Variants in MAPKAP1 observed in about 807,000 individuals in gnomAD.
MAPKAP1 encodes MAPK associated protein 1.
Under a neutral mutation model 65.7 loss-of-function variants are expected in MAPKAP1, and 20 were observed. That is an observed-to-expected ratio of 0.30 (90% CI 0.21 to 0.44). MAPKAP1 has a LOEUF of 0.44. Ranked by LOEUF, MAPKAP1 falls within the 20% of genes least tolerant of loss-of-function variation. MAPKAP1 has a pLI of 1.00. For missense variants in MAPKAP1, 423 were observed against 648.0 expected, an observed-to-expected ratio of 0.65 and a Z score of 3.77; for synonymous variants, 222 against 244.3, an observed-to-expected ratio of 0.91 and a Z score of 0.85.
intron 7 of MAPKAP1, among the ~76,000 whole-genome samples, chr9:125,539,390 T>C (rs1485585879): frequency 1.3e-5 from 2 of 152,212 alleles, no homozygotes; most frequent in African/African-American, 2.4e-5. Context: ...ACAAGTTATG[T>C]GGAAAACTAT....
chr9:125,515,659 G>T (rs1267265907), intron 7 of MAPKAP1, among the ~76,000 whole-genome samples: 2 of 152,228 alleles, frequency 1.3e-5, no homozygotes, highest in Non-Finnish European at 2.9e-5. Flanking sequence ...CCGATCACCA[G>T]AGATCAACTA....
At chr9:125,574,794 T>C (rs1831343305) in intron 5 of MAPKAP1, among the ~76,000 whole-genome samples, 1 of 152,252 alleles carries the variant, frequency 6.6e-6, no homozygotes, top group Non-Finnish European at 1.5e-5. Context: ...GAACATTTAT[T>C]GAGCACTTGC....
chr9:125,482,734 T>C (rs998417518), intron 9 of MAPKAP1, among the ~76,000 whole-genome samples: 8 of 152,194 alleles, frequency 5.3e-5, no homozygotes, highest in Non-Finnish European at 8.8e-5. Flanking sequence ...AAAGTTACAG[T>C]TTCCAAGAAC....
At chr9:125,697,691 G>C (rs1835426756) in intron 1 of MAPKAP1, among the ~76,000 whole-genome samples, 1 of 152,078 alleles carries the variant, frequency 6.6e-6, no homozygotes, top group African/African-American at 2.4e-5. Context: ...CTTTAATAAA[G>C]ATTCCTAGAA....
At chr9:125,455,503 G>GA (rs1311663680) in intron 10 of MAPKAP1, among the ~76,000 whole-genome samples, 32 of 151,020 alleles carry the variant, frequency 2.1e-4, no homozygotes, top group Non-Finnish European at 8.9e-5. Flanking sequence ...CAAGAAGAGA[G>GA]AAAAAAAATT....
chr9:125,580,915 C>T (rs1831604449), intron 5 of MAPKAP1, among the ~76,000 whole-genome samples: 2 of 152,208 alleles, frequency 1.3e-5, no homozygotes, highest in Admixed American at 1.3e-4. Context: ...CAATTGTTCT[C>T]CATCTGTATA....
In MAPKAP1 at chr9:125,629,085, ACAC is replaced by A. The variant is rs1426762958; in HGVS notation, c.498+28563_498+28565del. ...CACACACACACACACACACACACAC[ACAC>A]ACACCAGAAAATAAAAAGTGTTGCA... On this transcript the variant is annotated intron_variant, in intron 4 of 11. Coordinates refer to ENST00000265960, the MANE Select transcript of MAPKAP1 (RefSeq NM_001006617.3). Among the ~76,000 whole-genome samples the A allele has an allele frequency of 1.6e-3, 247 of 151,208 alleles. 2 individuals carry two copies. The highest frequency in any genetic ancestry group is 1.3e-3 in the Non-Finnish European group (87 of 67,542).
At chr9:125,682,148 C>G (rs991855418) in intron 1 of MAPKAP1, among the ~76,000 whole-genome samples, 1 of 152,156 alleles carries the variant, frequency 6.6e-6, no homozygotes, top group African/African-American at 2.4e-5. Flanking sequence ...ACCATGGTTA[C>G]TTTGTAGCTT....
intron 10 of MAPKAP1, among the ~76,000 whole-genome samples, chr9:125,459,445 T>A (rs1316204651): frequency 6.6e-6 from 1 of 151,726 alleles, no homozygotes; most frequent in African/African-American, 2.4e-5. Context: ...TCTCGGCACT[T>A]TGGGAGGCCA....
At position 125,586,346 on chromosome 9, in the gene MAPKAP1, G is replaced by A. The variant is rs561074505; in HGVS notation, c.499-619C>T. 5.3e-5 allele frequency among the ~76,000 whole-genome samples: 8 copies of A among 152,090 alleles called. No individual in the cohort carries two copies. In the South Asian group the frequency reaches 6.2e-4, roughly 12 times the overall value. ...CACACCTACCACTCCTCCCACCTGC[G>A]TCTTCCACTCTGCCCTCAAGAGCTG... On this transcript the variant is annotated intron_variant, in intron 4 of 11. Coordinates refer to ENST00000265960, the MANE Select transcript of MAPKAP1 (RefSeq NM_001006617.3).
rs545126117 is a variant in MAPKAP1 at position 125,470,521 on chromosome 9, CTTTCT to C, written c.1208-2417_1208-2413del. Reference sequence around the variant, plus strand: ...GTAACAGACTCTCGTCCTCTTTCATCTTTCTTTTATCATGTAAAGTACACTTTAAC... The same window carrying C: ...GTAACAGACTCTCGTCCTCTTTCATCTTTATCATGTAAAGTACACTTTAAC... On this transcript the variant is annotated intron_variant, in intron 9 of 11. Transcript: ENST00000265960. 4.6e-3 allele frequency among the ~76,000 whole-genome samples: 695 copies of C among 152,332 alleles called. 4 individuals carry two copies. Among genetic ancestry groups the C allele is most frequent in the African/African-American group, 0.016 (650 of 41,574 alleles).
chr9:125,637,032 G>A (rs1164670596), intron 4 of MAPKAP1, among the ~76,000 whole-genome samples: 1 of 152,234 alleles, frequency 6.6e-6, no homozygotes, highest in East Asian at 1.9e-4. Context: ...ATTTTGGGAG[G>A]CCGAGGTGGG....
chr9:125,652,145 G>A, intron 4 of MAPKAP1: 1 of 1,310,556 alleles, frequency 7.6e-7, no homozygotes, highest in Non-Finnish European at 1.0e-6. Flanking sequence ...ATTTCTCGGT[G>A]GCTTCATGCT....
intron 7 of MAPKAP1, among the ~76,000 whole-genome samples, chr9:125,537,786 TAC>T (rs1167111294): frequency 1.3e-5 from 2 of 152,300 alleles, no homozygotes; most frequent in South Asian, 2.1e-4. Context: ...CTGACTAAAA[TAC>T]ACTTAATAAA....
At chr9:125,513,937 C>T (rs907622424) in intron 7 of MAPKAP1, among the ~76,000 whole-genome samples, 1 of 152,230 alleles carries the variant, frequency 6.6e-6, no homozygotes, top group Non-Finnish European at 1.5e-5. Context: ...AGGATTCCTA[C>T]AGTTCCCTAG....
At chr9:125,552,834 G>C (rs1261883670) in intron 6 of MAPKAP1, among the ~76,000 whole-genome samples, 2 of 152,150 alleles carry the variant, frequency 1.3e-5, no homozygotes, top group Non-Finnish European at 2.9e-5. Context: ...TACTCAGGAG[G>C]ACTGTCTGAA....
chr9:125,633,394 A>C (rs1431356939), intron 4 of MAPKAP1, among the ~76,000 whole-genome samples: 1 of 152,244 alleles, frequency 6.6e-6, no homozygotes, highest in Non-Finnish European at 1.5e-5. Context: ...CCAAAAGGTC[A>C]ACCACAGCTG....
chr9:125,449,053 T>C (rs912033354), intron 10 of MAPKAP1, among the ~76,000 whole-genome samples: 1 of 151,588 alleles, frequency 6.6e-6, no homozygotes, highest in African/African-American at 2.4e-5. Context: ...TGTATTAGTA[T>C]GACTTTAAAA....
chr9:125,582,500 C>A (rs941738813), intron 5 of MAPKAP1, among the ~76,000 whole-genome samples: 1 of 152,156 alleles, frequency 6.6e-6, no homozygotes, highest in African/African-American at 2.4e-5. Context: ...GATATTGCCA[C>A]CACCCTCCAC....
Sources: gnomAD v4.1 joint callset for allele counts (sites outside exome capture counted in the v4.1 genomes callset) on GRCh38, gnomAD v4.1.1 for gene constraint, MANE v1.5 for transcripts, NCBI Gene and HGNC (gene_info 2026-07-23, HGNC 2026-07-21) for gene names.